Variants in GRHL2 observed in about 807,000 individuals in gnomAD.
The protein encoded by GRHL2 is grainyhead like transcription factor 2.
Under a neutral mutation model 83.8 loss-of-function variants are expected in GRHL2, and 21 were observed. The observed-to-expected ratio is 0.25, with a 90% CI of 0.18 to 0.36. GRHL2 has a LOEUF of 0.36. Ranked by LOEUF, GRHL2 falls within the 10% of genes least tolerant of loss-of-function variation. The pLI is 1.00. For missense variants in GRHL2, 623 were observed against 781.8 expected, an observed-to-expected ratio of 0.80 and a Z score of 2.42; for synonymous variants, 280 against 278.9, an observed-to-expected ratio of 1.00 and a Z score of -0.04.
intron 7 of GRHL2, among the ~76,000 whole-genome samples, chr8:101,588,752 A>G (rs1204741039): frequency 6.6e-6 from 1 of 152,172 alleles, no homozygotes; most frequent in African/African-American, 2.4e-5. Flanking sequence ...TCAGTCTGCA[A>G]CTCTGAAGTA....
At position 101,558,490 on chromosome 8, in the gene GRHL2, C is replaced by G. The variant is rs1811533244; in HGVS notation, c.356C>G (p.Thr119Ser). Reference protein sequence around the residue: ...GGENRVQVLKTVPVNLSLNQD... With the variant: ...GGENRVQVLKSVPVNLSLNQD... ...GAAAACCGAGTGCAAGTCCTAAAGA[C>G]TGTTCCAGTGAACCTTTCCCTAAAT... Residue 119 changes from threonine (T) to serine (S), a missense_variant, in exon 4 of 16, where the codon ACT becomes AGT. Thr to Ser is a moderately conservative substitution (Grantham distance 58). Around this residue, in one of 8 missense-constraint regions of GRHL2, gnomAD observed 239 missense variants for 240.5 expected, o/e 0.99. Coordinates refer to ENST00000646743, the MANE Select transcript of GRHL2 (RefSeq NM_024915.4). The G allele has an allele frequency of 6.2e-7, 1 of 1,614,166 alleles. No homozygotes were observed.
Position 101,620,252 on chromosome 8 carries a change from A to G in GRHL2, c.1257+555A>G, listed in dbSNP as rs138422041. On this transcript the variant is annotated intron_variant, in intron 9 of 15. Coordinates refer to ENST00000646743, the MANE Select transcript of GRHL2 (RefSeq NM_024915.4). ...TACCTCCCCAAAATTTCATCTACAA[A>G]TACCATCACATTGGGAATTGGGAGT... 2.0e-3 allele frequency among the ~76,000 whole-genome samples: 312 copies of G among 152,308 alleles called. 3 individuals carry two copies. The highest frequency in any genetic ancestry group is 7.0e-3 in the African/African-American group (289 of 41,560).
chr8:101,562,614 G>A (rs989904695), intron 4 of GRHL2: 28 of 170,918 alleles, frequency 1.6e-4, no homozygotes, highest in African/African-American at 5.7e-4. Context: ...TACTGGTTTC[G>A]TTGTGGCACC....
intron 14 of GRHL2, among the ~76,000 whole-genome samples, chr8:101,652,531 TG>T (rs1158694093): frequency 9.0e-6 from 1 of 110,612 alleles, no homozygotes; most frequent in Non-Finnish European, 1.8e-5. Context: ...GGTGTGTGTG[TG>T]GTGTGTGTGT....
intron 1 of GRHL2, among the ~76,000 whole-genome samples, chr8:101,516,441 G>A (rs1377456774): frequency 1.4e-4 from 17 of 125,106 alleles, no homozygotes; most frequent in African/African-American, 5.3e-4. Context: ...TTGAGACAGG[G>A]TCTCCCTCTG....
chr8:101,595,166 T>C (rs1187569478), intron 7 of GRHL2, among the ~76,000 whole-genome samples: 2 of 152,222 alleles, frequency 1.3e-5, no homozygotes, highest in Non-Finnish European at 2.9e-5. Flanking sequence ...GGGCTCACAG[T>C]AAATATTTCC....
chr8:101,647,149 C>T (rs1233789927), intron 13 of GRHL2, among the ~76,000 whole-genome samples: 1 of 152,204 alleles, frequency 6.6e-6, no homozygotes, highest in African/African-American at 2.4e-5. Flanking sequence ...CTTTAGGAGG[C>T]TGAGGCGGGT....
chr8:101,562,129 AC>A lies in GRHL2; in HGVS notation c.678+3318del, dbSNP rs1467109479. On this transcript the variant is annotated intron_variant, in intron 4 of 15. Coordinates refer to ENST00000646743, the MANE Select transcript of GRHL2 (RefSeq NM_024915.4). Reference sequence around the variant, plus strand: ...TTGCTTTACTTCTTTGATATCCTGAACTTTTGTAGCTCTTTATTTTTCTTCG... The same window carrying A: ...TTGCTTTACTTCTTTGATATCCTGAATTTTGTAGCTCTTTATTTTTCTTCG... 17 of 653,136 alleles carry A rather than the reference AC, an allele frequency of 2.6e-5. No individual in the cohort carries two copies. The African/African-American group carries it at 2.7e-4, about 10-fold the overall frequency. 40.5% of individuals were successfully genotyped at this position (653,136 alleles called of 1,614,324 possible).
intron 6 of GRHL2, among the ~76,000 whole-genome samples, chr8:101,576,510 C>T (rs562237533): frequency 2.0e-5 from 3 of 152,100 alleles, no homozygotes; most frequent in Non-Finnish European, 4.4e-5. Flanking sequence ...ATGAGTCACC[C>T]GGCCCAGCCC....
In GRHL2 at chr8:101,542,662, G is replaced by A. The variant is rs1282146100; in HGVS notation, c.21-579G>A. 6.8e-6 allele frequency: 3 copies of A among 443,084 alleles called. No homozygotes were observed. In the East Asian group the frequency reaches 2.1e-4, roughly 31 times the overall value. The allele number at this position is 443,084 out of a possible 1,614,324, so 27.4% of individuals were successfully genotyped here. ...CAATTGTTTTAGTCAATTTTGTGCT[G>A]CTATAACAGAATACCTGACCCTGGG... is the stretch of plus-strand genomic sequence containing the variant. On this transcript the variant is annotated intron_variant, in intron 1 of 15. Transcript: ENST00000646743.
intron 6 of GRHL2, among the ~76,000 whole-genome samples, chr8:101,575,237 G>T (rs901669378): frequency 6.6e-6 from 1 of 151,476 alleles, no homozygotes; most frequent in African/African-American, 2.4e-5. Flanking sequence ...TAAATTCCAA[G>T]TGTTAGTATA....
At chr8:101,544,491 A>G (rs556984449) in intron 2 of GRHL2, among the ~76,000 whole-genome samples, 124 of 152,366 alleles carry the variant, frequency 8.1e-4, no homozygotes, top group African/African-American at 2.9e-3. Context: ...TTTCTCAAGC[A>G]TAAAGAACTA....
At chr8:101,558,163 C>T (rs1811525781) in intron 3 of GRHL2, among the ~76,000 whole-genome samples, 1 of 152,122 alleles carries the variant, frequency 6.6e-6, no homozygotes, top group African/African-American at 2.4e-5. Flanking sequence ...CCGCGCCTGG[C>T]CTCGTTTTGT....
downstream of GRHL2, among the ~76,000 whole-genome samples, chr8:101,674,105 G>C (rs1420815763): frequency 6.6e-6 from 1 of 151,932 alleles, no homozygotes; most frequent in Non-Finnish European, 1.5e-5. Flanking sequence ...AGAGAAAGCA[G>C]GAAAGATCCA....
chr8:101,626,415 A>G (rs1813080304), intron 9 of GRHL2, among the ~76,000 whole-genome samples: 1 of 152,126 alleles, frequency 6.6e-6, no homozygotes, highest in South Asian at 2.1e-4. Context: ...TTATATAGCT[A>G]CATACATAGA....
At chr8:101,662,029 A>G (rs1311971828) in intron 14 of GRHL2, among the ~76,000 whole-genome samples, 1 of 152,208 alleles carries the variant, frequency 6.6e-6, no homozygotes, top group African/African-American at 2.4e-5. Flanking sequence ...CACTATTGAG[A>G]TTGCTAAATT....
At position 101,577,798 on chromosome 8, in the gene GRHL2, G is replaced by A. The variant is rs553993479; in HGVS notation, c.1003+279G>A. On this transcript the variant is annotated intron_variant, in intron 7 of 15. Coordinates refer to ENST00000646743, the MANE Select transcript of GRHL2 (RefSeq NM_024915.4). ...CAATGACCATTTCAATTCCTAAAACGTGTTTTCATGGCCTCCCCGTTTGAG... is the reference window on the plus strand; with the variant it reads ...CAATGACCATTTCAATTCCTAAAACATGTTTTCATGGCCTCCCCGTTTGAG... Among the ~76,000 whole-genome samples, 22 of 152,308 alleles carry A rather than the reference G, an allele frequency of 1.4e-4. No homozygotes were observed. The South Asian group carries it at 3.7e-3, about 26-fold the overall frequency.
At chr8:101,635,785 G>A (rs529752507) in intron 11 of GRHL2, among the ~76,000 whole-genome samples, 2 of 152,266 alleles carry the variant, frequency 1.3e-5, no homozygotes, top group South Asian at 2.1e-4. Flanking sequence ...AAAAAATTAA[G>A]AGGAAAAATT....
chr8:101,638,860 ACT>A (rs1399992494), intron 12 of GRHL2, among the ~76,000 whole-genome samples: 8 of 152,190 alleles, frequency 5.3e-5, no homozygotes, highest in African/African-American at 1.9e-4. Flanking sequence ...AACAACATTG[ACT>A]CTGAGCTCAG....
Sources: allele counts gnomAD v4.1 joint callset (sites outside exome capture counted in the v4.1 genomes callset), GRCh38; gene constraint gnomAD v4.1.1; regional missense constraint gnomAD v4.1.1; transcripts MANE v1.5; gene names NCBI Gene and HGNC (gene_info 2026-07-23, HGNC 2026-07-21).